Variants in IQCM observed in about 807,000 individuals in gnomAD.
IQCM encodes IQ motif containing M.
In IQCM, 45 loss-of-function variants were observed where a neutral mutation model predicts 57.6. The observed-to-expected ratio is 0.78, with a 90% CI of 0.62 to 1.00. IQCM has a LOEUF of 1.00. Ranked by LOEUF, IQCM falls within the 50% of genes least tolerant of loss-of-function variation. IQCM has a pLI of 0.00. For missense variants in IQCM, 468 were observed against 511.6 expected (o/e 0.91, Z 0.82); for synonymous variants, 148 against 158.9 (o/e 0.93, Z 0.51).
At chr4:149,679,301 G>A (rs72726184) in intron 7 of IQCM, among the ~76,000 whole-genome samples, 31,572 of 151,364 alleles carry the variant, frequency 0.21, 4,114 homozygotes, top group Non-Finnish European at 0.28. Flanking sequence ...GTGTGTTCTC[G>A]TTCATATGTG....
chr4:149,548,374 C>A lies in IQCM; in HGVS notation c.1228+81G>T. The A allele has an allele frequency of 3.5e-6, 4 of 1,127,610 alleles. No homozygotes were observed. In the South Asian group the frequency reaches 1.8e-4, roughly 52 times the overall value. 69.9% of individuals were successfully genotyped at this position (1,127,610 alleles called of 1,614,324 possible). On this transcript the variant is annotated intron_variant, in intron 12 of 13. Transcript: ENST00000636793. ...GGAAGGAATGAAGAAAGGAAGAGAA[C>A]AACTAAGGAAAGTTGGGAAAGAGAA...
intron 13 of IQCM, among the ~76,000 whole-genome samples, chr4:149,361,429 C>A (rs1400813749): frequency 6.6e-6 from 1 of 152,170 alleles, no homozygotes; most frequent in East Asian, 1.9e-4. Context: ...ACCTTCATGG[C>A]AGCCCCTCCC....
chr4:149,556,789 C>T (rs1749627841), intron 10 of IQCM, among the ~76,000 whole-genome samples: 1 of 152,140 alleles, frequency 6.6e-6, no homozygotes, highest in African/African-American at 2.4e-5. Flanking sequence ...CTAGCGAAGA[C>T]CTTATCCATG....
At chr4:149,463,646 C>T (rs1434747668) in intron 12 of IQCM, among the ~76,000 whole-genome samples, 1 of 152,126 alleles carries the variant, frequency 6.6e-6, no homozygotes, top group Non-Finnish European at 1.5e-5. Flanking sequence ...CTAAATAGTG[C>T]ATTATTGTAA....
chr4:149,629,849 C>T (rs888012595), intron 7 of IQCM, among the ~76,000 whole-genome samples: 2 of 151,988 alleles, frequency 1.3e-5, no homozygotes, highest in African/African-American at 4.8e-5. Context: ...TCATTTTTTT[C>T]TAAAGAGAAC....
intron 5 of IQCM, chr4:149,711,111 A>T (rs1764528015): frequency 6.6e-6 from 1 of 152,280 alleles, no homozygotes; most frequent in South Asian, 2.1e-4. Flanking sequence ...TTCTTCTGAA[A>T]GCTTATAGTT....
intron 2 of IQCM, among the ~76,000 whole-genome samples, chr4:149,798,723 A>C (rs755593634): frequency 1.3e-5 from 2 of 152,076 alleles, no homozygotes; most frequent in Non-Finnish European, 2.9e-5. Context: ...AATAAATTTC[A>C]AGACAAAACC....
intron 13 of IQCM, among the ~76,000 whole-genome samples, chr4:149,353,175 TA>T (rs1728694246): frequency 6.6e-6 from 1 of 152,174 alleles, no homozygotes; most frequent in Admixed American, 6.5e-5. Flanking sequence ...ACAACAGGTA[TA>T]TGAAAATGCA....
intron 12 of IQCM, among the ~76,000 whole-genome samples, chr4:149,457,038 C>T (rs1737779194): frequency 1.3e-5 from 2 of 152,006 alleles, no homozygotes; most frequent in African/African-American, 4.8e-5. Context: ...CTGAATGTTC[C>T]ACAACTCTAA....
chr4:149,429,385 T>A (rs1270658746), intron 13 of IQCM, among the ~76,000 whole-genome samples: 4 of 151,910 alleles, frequency 2.6e-5, no homozygotes. Flanking sequence ...TATAAAATTA[T>A]AATCTAGAAG....
At chr4:149,422,708 C>T (rs924242686) in intron 13 of IQCM, among the ~76,000 whole-genome samples, 1 of 151,920 alleles carries the variant, frequency 6.6e-6, no homozygotes, top group Admixed American at 6.6e-5. Context: ...AGGACATGAT[C>T]ATGAACAAGC....
At chr4:149,449,833 T>A (rs1736911926) in intron 12 of IQCM, among the ~76,000 whole-genome samples, 2 of 151,748 alleles carry the variant, frequency 1.3e-5, no homozygotes, top group South Asian at 4.1e-4. Context: ...CCAATGACAT[T>A]CTTCACAGAA....
chr4:149,648,918 T>G (rs1242436174), intron 7 of IQCM, among the ~76,000 whole-genome samples: 2 of 151,824 alleles, frequency 1.3e-5, no homozygotes, highest in Non-Finnish European at 2.9e-5. Flanking sequence ...AAAAAAAGAA[T>G]ACAAAAATTA....
intron 9 of IQCM, among the ~76,000 whole-genome samples, chr4:149,586,571 G>T (rs944804694): frequency 1.3e-5 from 2 of 151,408 alleles, no homozygotes; most frequent in Admixed American, 1.3e-4. Flanking sequence ...TTGTTAATTT[G>T]ATTTATTGTT....
At chr4:149,580,988 T>G (rs563964892) in intron 9 of IQCM, among the ~76,000 whole-genome samples, 1 of 151,922 alleles carries the variant, frequency 6.6e-6, no homozygotes, top group Admixed American at 6.6e-5. Flanking sequence ...CCCCTGTCCT[T>G]ATTGAGCTTA....
chr4:149,714,206 T>C (rs889868613), intron 5 of IQCM, among the ~76,000 whole-genome samples: 3 of 152,230 alleles, frequency 2.0e-5, no homozygotes, highest in Non-Finnish European at 4.4e-5. Flanking sequence ...GAAGACAATC[T>C]TCACTCAGTA....
intron 9 of IQCM, among the ~76,000 whole-genome samples, chr4:149,571,087 G>T (rs1377483251): frequency 1.3e-5 from 2 of 151,974 alleles, no homozygotes; most frequent in African/African-American, 4.8e-5. Flanking sequence ...ACAGTACAGA[G>T]GTTCCTCAAA....
At chr4:149,804,402 C>A (rs1773888148) in intron 2 of IQCM, among the ~76,000 whole-genome samples, 1 of 152,046 alleles carries the variant, frequency 6.6e-6, no homozygotes, top group Non-Finnish European at 1.5e-5. Context: ...AGTGTCCCTT[C>A]CAGGTTCTAG....
chr4:149,385,512 C>T (rs1340783063), intron 13 of IQCM, among the ~76,000 whole-genome samples: 1 of 152,010 alleles, frequency 6.6e-6, no homozygotes, highest in Non-Finnish European at 1.5e-5. Context: ...GTGGATCAAT[C>T]ACAAATTTAT....
Sources: allele counts gnomAD v4.1 joint callset (sites outside exome capture counted in the v4.1 genomes callset), GRCh38; gene constraint gnomAD v4.1.1; transcripts MANE v1.5; gene names NCBI Gene and HGNC (gene_info 2026-07-23, HGNC 2026-07-21).